ARHGAP25: variants seen among roughly 807,000 people sequenced by gnomAD.
The protein encoded by ARHGAP25 is rho GTPase-activating protein 25.
ARHGAP25 carries 34 observed loss-of-function variants against 71.0 expected under a neutral mutation model. The ratio of observed to expected loss-of-function variants is 0.48; its 90% CI spans 0.36 to 0.64. The LOEUF is 0.64. Ranked by LOEUF, ARHGAP25 falls within the 30% of genes least tolerant of loss-of-function variation. ARHGAP25 has a pLI of 0.00. For missense variants in ARHGAP25, 706 were observed against 805.1 expected (o/e 0.88, Z 1.49); for synonymous variants, 282 against 296.5 (o/e 0.95, Z 0.50).
intron 4 of ARHGAP25, among the ~76,000 whole-genome samples, chr2:68,793,909 T>C (rs192671548): frequency 7.0e-4 from 107 of 152,238 alleles, no homozygotes; most frequent in African/African-American, 2.6e-3. Context: ...TGCATGAGCA[T>C]GGGATTTTTT....
At chr2:68,821,906 GTTTTTTTTT>G (rs59964574) in intron 9 of ARHGAP25, among the ~76,000 whole-genome samples, 7 of 81,636 alleles carry the variant, frequency 8.6e-5, no homozygotes, top group African/African-American at 3.6e-4. Flanking sequence ...CTTTTTGCTA[GTTTTTTTTT>G]TTTTTTTTTT....
chr2:68,719,739 C>G (rs1260491907), intron 2 of ARHGAP25, among the ~76,000 whole-genome samples: 1 of 152,124 alleles, frequency 6.6e-6, no homozygotes, highest in East Asian at 1.9e-4. Context: ...ATGAAACCTA[C>G]TTCTTATAAG....
chr2:68,769,027 C>G (rs1348356530), intron 1 of ARHGAP25, among the ~76,000 whole-genome samples: 1 of 152,118 alleles, frequency 6.6e-6, no homozygotes, highest in Non-Finnish European at 1.5e-5. Context: ...CACTCAAACC[C>G]CAGACCTCAC....
intron 2 of ARHGAP25, among the ~76,000 whole-genome samples, chr2:68,712,445 C>T (rs1414817810): frequency 6.6e-6 from 1 of 152,006 alleles, no homozygotes; most frequent in African/African-American, 2.4e-5. Flanking sequence ...AAATTTTCTC[C>T]CATTTTGTAG....
intron 2 of ARHGAP25, among the ~76,000 whole-genome samples, chr2:68,725,908 C>T (rs961447595): frequency 2.0e-5 from 3 of 152,176 alleles, no homozygotes; most frequent in Admixed American, 6.5e-5. Flanking sequence ...TTACCTGGCT[C>T]ATTCTCAACC....
intron 1 of ARHGAP25, among the ~76,000 whole-genome samples, chr2:68,749,234 C>A (rs1177638869): frequency 6.6e-6 from 1 of 152,110 alleles, no homozygotes; most frequent in Non-Finnish European, 1.5e-5. Flanking sequence ...TTGTGACCAT[C>A]CTAAAATTCT....
chr2:68,722,717 ACT>A (rs1191980019), intron 2 of ARHGAP25, among the ~76,000 whole-genome samples: 1 of 151,870 alleles, frequency 6.6e-6, no homozygotes, highest in Non-Finnish European at 1.5e-5. Context: ...ATTTGAACCC[ACT>A]CTGGCTCGAG....
intron 1 of ARHGAP25, among the ~76,000 whole-genome samples, chr2:68,741,749 T>G (rs765297167): frequency 1.3e-5 from 2 of 152,200 alleles, no homozygotes; most frequent in Non-Finnish European, 2.9e-5. Context: ...TTGCAATTTA[T>G]CTAAGAAAGG....
intron 2 of ARHGAP25, among the ~76,000 whole-genome samples, chr2:68,781,993 T>G (rs1678374119): frequency 6.6e-6 from 1 of 152,166 alleles, no homozygotes; most frequent in African/African-American, 2.4e-5. Context: ...TCTTAGCTCA[T>G]TCTTATATCA....
chr2:68,826,735 T>C lies in ARHGAP25; in HGVS notation c.*541T>C, dbSNP rs1037031710. On this transcript the variant is annotated 3_prime_UTR_variant, in exon 11 of 11. Transcript: ENST00000409202. The stretch of plus-strand genomic sequence containing the variant: ...GCCCATTCTCCAGGACTTCTCCAAC[T>C]TACTATTAGACTAAACCAGAACAAG... 1 of 175,972 alleles carries C rather than the reference T, an allele frequency of 5.7e-6. No individual in the cohort carries two copies. The highest frequency in any genetic ancestry group is 5.6e-5 in the Admixed American group (1 of 17,966). 10.9% of individuals were successfully genotyped at this position (175,972 alleles called of 1,614,324 possible).
chr2:68,775,165 C>T (rs768319970), intron 1 of ARHGAP25, 56 bp from the exon 2 acceptor site: 19 of 1,613,922 alleles, frequency 1.2e-5, no homozygotes, highest in Admixed American at 3.3e-5. Context: ...TCCGCCCACT[C>T]TTTGCTCACT....
intron 1 of ARHGAP25, among the ~76,000 whole-genome samples, chr2:68,773,724 G>A (rs925170112): frequency 6.6e-6 from 1 of 152,200 alleles, no homozygotes; most frequent in Non-Finnish European, 1.5e-5. Context: ...GAGGAAGCTT[G>A]ATGATGGAAT....
At chr2:68,807,614 G>A (rs111985096) in intron 5 of ARHGAP25, 134 bp downstream of exon 5, 26 of 898,812 alleles carry the variant, frequency 2.9e-5, no homozygotes, top group African/African-American at 2.2e-4. Context: ...AACAGAAAGA[G>A]CCTTTGTTTC....
intron 2 of ARHGAP25, among the ~76,000 whole-genome samples, chr2:68,779,721 A>G (rs1678184858): frequency 6.6e-6 from 1 of 152,200 alleles, no homozygotes. Flanking sequence ...ATCTTTATAC[A>G]GAGCCCACCC....
chr2:68,773,929 A>G (rs1677654034), intron 1 of ARHGAP25, among the ~76,000 whole-genome samples: 1 of 152,228 alleles, frequency 6.6e-6, no homozygotes, highest in South Asian at 2.1e-4. Context: ...AAGTATTATT[A>G]TCCTAATTTA....
intron 5 of ARHGAP25, 27 bp from the exon 6 acceptor site, chr2:68,813,260 C>T (rs1421292476): frequency 1.9e-6 from 3 of 1,593,530 alleles, no homozygotes; most frequent in Non-Finnish European, 2.6e-6. Flanking sequence ...CAAAGAGTTT[C>T]ACAGAGCGTT....
At chr2:68,720,506 T>G (rs1303435516) in intron 2 of ARHGAP25, among the ~76,000 whole-genome samples, 1 of 152,178 alleles carries the variant, frequency 6.6e-6, no homozygotes, top group Non-Finnish European at 1.5e-5. Context: ...GGCTGCAGTC[T>G]GTTTTTTGCC....
chr2:68,798,567 G>T, intron 4 of ARHGAP25, among the ~76,000 whole-genome samples: 1 of 150,684 alleles, frequency 6.6e-6, no homozygotes, highest in East Asian at 1.9e-4. Flanking sequence ...CAAGCTAGGA[G>T]AAGACACAGC....
At chr2:68,813,889 G>C (rs1292366807) in intron 6 of ARHGAP25, among the ~76,000 whole-genome samples, 1 of 152,218 alleles carries the variant, frequency 6.6e-6, no homozygotes, top group East Asian at 1.9e-4. Context: ...ACAGCTGCCT[G>C]TAGGGTCTGT....
Sources: gnomAD v4.1 joint callset for allele counts (sites outside exome capture counted in the v4.1 genomes callset) on GRCh38, gnomAD v4.1.1 for gene constraint, MANE v1.5 for transcripts, NCBI Gene and HGNC (gene_info 2026-07-23, HGNC 2026-07-21) for gene names.